TUSC3: variants seen among roughly 807,000 people sequenced by gnomAD.
The protein encoded by TUSC3 is dolichyl-diphosphooligosaccharide--protein glycosyltransferase subunit TUSC3.
In TUSC3, 45 loss-of-function variants were observed where a neutral mutation model predicts 44.8. That is an observed-to-expected ratio of 1.00 (90% CI 0.79 to 1.29). The LOEUF is 1.29. TUSC3 is among the 50% of genes most tolerant of loss of function. The probability of loss-of-function intolerance (pLI) is 0.00; values close to 1 mark genes in which losing one functional copy is unlikely to be tolerated. For synonymous variants in TUSC3, 212 were observed against 152.9 expected (o/e 1.39, Z -2.85); for missense variants, 519 against 437.9 (o/e 1.19, Z -1.65).
intron 2 of TUSC3, among the ~76,000 whole-genome samples, chr8:15,528,036 A>T (rs1056599012): frequency 2.4e-4 from 37 of 152,306 alleles, no homozygotes; most frequent in Non-Finnish European, 2.1e-4. Context: ...ATATTTCCTT[A>T]TAAAGAATTT....
chr8:15,500,195 G>T (rs1012857482), intron 2 of TUSC3, among the ~76,000 whole-genome samples: 1 of 152,134 alleles, frequency 6.6e-6, no homozygotes, highest in Non-Finnish European at 1.5e-5. Context: ...GTATCTGGTG[G>T]TGGCCTCTGG....
At chr8:15,420,843 C>A (rs1799729795) in intron 1 of TUSC3, among the ~76,000 whole-genome samples, 1 of 152,100 alleles carries the variant, frequency 6.6e-6, no homozygotes, top group East Asian at 1.9e-4. Context: ...TGTTCTCAGT[C>A]TTTTATGTTG....
intron 6 of TUSC3, among the ~76,000 whole-genome samples, chr8:15,692,252 A>G (rs1187534411): frequency 6.6e-6 from 1 of 150,678 alleles, no homozygotes; most frequent in African/African-American, 2.4e-5. Context: ...TTTTGGATCC[A>G]TGTTCATAAA....
intron 1 of TUSC3, among the ~76,000 whole-genome samples, chr8:15,420,741 C>T (rs1315908426): frequency 6.6e-6 from 1 of 152,096 alleles, no homozygotes; most frequent in East Asian, 1.9e-4. Flanking sequence ...TGTAACGGCA[C>T]AGTTTCACAG....
chr8:15,841,720 G>C, the TUSC3 span, among the ~76,000 whole-genome samples: 1 of 152,030 alleles, frequency 6.6e-6, no homozygotes, highest in African/African-American at 2.4e-5. Context: ...TGCCATGTTG[G>C]CAAGGCTGGT....
At chr8:15,541,624 A>G (rs1160982434) in intron 1 of TUSC3, among the ~76,000 whole-genome samples, 1 of 152,096 alleles carries the variant, frequency 6.6e-6, no homozygotes, top group African/African-American at 2.4e-5. Context: ...TAACTAATGT[A>G]CCTCTCTTCA....
At chr8:15,543,870 A>G (rs1250521440) in intron 1 of TUSC3, among the ~76,000 whole-genome samples, 4 of 151,410 alleles carry the variant, frequency 2.6e-5, no homozygotes, top group Admixed American at 2.0e-4. Context: ...TCCCAGGAAG[A>G]GATTTGGTAT....
Position 15,588,470 on chromosome 8 carries a change from G to A in TUSC3, c.139-34610G>A, listed in dbSNP as rs1195348719. Among the ~76,000 whole-genome samples, 7 of 152,090 alleles carry A rather than the reference G, an allele frequency of 4.6e-5. No individual in the cohort carries two copies. The South Asian group carries it at 8.3e-4, about 18-fold the overall frequency. On this transcript the variant is annotated intron_variant, in intron 1 of 10. Coordinates refer to ENST00000503731, the MANE Select transcript of TUSC3 (RefSeq NM_006765.4). ...TATTCTGGATATTCGTTCCTTGTTGGATGAATAGTTTGCAAGTATTTTCTC... is the reference window on the plus strand; with the variant it reads ...TATTCTGGATATTCGTTCCTTGTTGAATGAATAGTTTGCAAGTATTTTCTC...
At chr8:15,613,847 G>T (rs1486036408) in intron 1 of TUSC3, among the ~76,000 whole-genome samples, 1 of 152,024 alleles carries the variant, frequency 6.6e-6, no homozygotes, top group Non-Finnish European at 1.5e-5. Context: ...TGGGAATAGG[G>T]AGCTGAGATT....
intron 5 of TUSC3, among the ~76,000 whole-genome samples, chr8:15,671,083 T>C (rs1450168432): frequency 1.3e-5 from 2 of 151,908 alleles, no homozygotes; most frequent in Non-Finnish European, 2.9e-5. Flanking sequence ...TGTACTGTTA[T>C]TTGGAATATA....
chr8:15,756,323 A>G (rs572496928), intron 9 of TUSC3, among the ~76,000 whole-genome samples: 2 of 152,146 alleles, frequency 1.3e-5, no homozygotes, highest in Non-Finnish European at 2.9e-5. Flanking sequence ...TAAACTTGGT[A>G]TGATAAAACC....
intron 1 of TUSC3, among the ~76,000 whole-genome samples, chr8:15,423,976 T>TTTG (rs1563247176): frequency 0.034 from 2,894 of 86,286 alleles, 172 homozygotes; most frequent in Non-Finnish European, 0.042. Flanking sequence ...TTTGTTTTTT[T>TTTG]TTTTTTTTTT....
At chr8:15,641,191 C>T (rs1286294928) in intron 2 of TUSC3, among the ~76,000 whole-genome samples, 1 of 151,496 alleles carries the variant, frequency 6.6e-6, no homozygotes, top group Non-Finnish European at 1.5e-5. Context: ...AAACCCCTGT[C>T]TCTACCAGAA....
rs551603051 is a variant in TUSC3, at chr8:15,688,232, T to C, written c.798+14396T>C. 1.1e-3 allele frequency among the ~76,000 whole-genome samples: 167 copies of C among 152,228 alleles called. 1 individual carries two copies. The highest frequency in any genetic ancestry group is 3.9e-3 in the African/African-American group (163 of 41,556). The stretch of plus-strand genomic sequence containing the variant: ...TACTCATAATTATATACATTCAGGA[T>C]TGAAAAAAGCGTTTCTCATTTATAA... On this transcript the variant is annotated intron_variant, in intron 6 of 10. Coordinates refer to ENST00000503731, the MANE Select transcript of TUSC3 (RefSeq NM_006765.4).
At chr8:15,672,971 T>C (rs1006272912) in intron 5 of TUSC3, among the ~76,000 whole-genome samples, 7 of 152,084 alleles carry the variant, frequency 4.6e-5, no homozygotes, top group Non-Finnish European at 1.0e-4. Context: ...GGTACTGTTT[T>C]AACCTAGAGA....
chr8:15,618,217 C>T (rs1271599911), intron 1 of TUSC3, among the ~76,000 whole-genome samples: 2 of 152,186 alleles, frequency 1.3e-5, no homozygotes, highest in Non-Finnish European at 2.9e-5. Flanking sequence ...TCTATAAACA[C>T]TGCACGCTTA....
intron 6 of TUSC3, among the ~76,000 whole-genome samples, chr8:15,700,496 A>C (rs1809351271): frequency 1.3e-5 from 2 of 152,166 alleles, no homozygotes; most frequent in Non-Finnish European, 2.9e-5. Flanking sequence ...GTAGGAAAAA[A>C]ATTAAATTTC....
At chr8:15,568,562 C>G (rs906319961) in intron 1 of TUSC3, among the ~76,000 whole-genome samples, 14 of 151,022 alleles carry the variant, frequency 9.3e-5, no homozygotes, top group Admixed American at 2.0e-4. Context: ...CTTCTTTCAG[C>G]TTTCATTAAG....
intron 7 of TUSC3, among the ~76,000 whole-genome samples, 176 bp downstream of exon 7, chr8:15,730,905 G>T (rs1810695566): frequency 6.6e-6 from 1 of 151,802 alleles, no homozygotes; most frequent in Non-Finnish European, 1.5e-5. Context: ...GGTATAATTT[G>T]TTGCTATTCC....
Sources: allele counts gnomAD v4.1 joint callset (sites outside exome capture counted in the v4.1 genomes callset), GRCh38; gene constraint gnomAD v4.1.1; transcripts MANE v1.5; gene names NCBI Gene and HGNC (gene_info 2026-07-23, HGNC 2026-07-21).